Variants in SLC1A2 observed in about 807,000 individuals in gnomAD.
SLC1A2 encodes excitatory amino acid transporter 2.
A neutral mutation model predicts 48.8 loss-of-function variants in SLC1A2; 15 were observed. That is an observed-to-expected ratio of 0.31 (90% CI 0.21 to 0.47). SLC1A2 has a LOEUF of 0.47. SLC1A2 is among the 20% of genes least tolerant of loss of function. The probability of loss-of-function intolerance (pLI) is 0.99; values close to 1 mark genes in which losing one functional copy is unlikely to be tolerated. For missense variants in SLC1A2, 502 were observed against 730.5 expected (o/e 0.69, Z 3.61); for synonymous variants, 279 against 272.6 (o/e 1.02, Z -0.23).
intron 1 of SLC1A2, chr11:35,399,808 A>G (rs1471108939): frequency 6.6e-6 from 1 of 152,642 alleles, no homozygotes; most frequent in Non-Finnish European, 1.5e-5. Context: ...TTACAGAAAG[A>G]AATTAGAGAA....
intron 1 of SLC1A2, among the ~76,000 whole-genome samples, chr11:35,382,908 C>T (rs925620753): frequency 1.3e-5 from 2 of 152,034 alleles, no homozygotes; most frequent in African/African-American, 4.8e-5. Context: ...TTAAATGTTT[C>T]TTTTGAATCT....
chr11:35,321,948 T>C (rs1591471755), intron 1 of SLC1A2, among the ~76,000 whole-genome samples: 1 of 152,090 alleles, frequency 6.6e-6, no homozygotes. Context: ...TCTGTGTTTC[T>C]GCTTGACTGC....
chr11:35,387,826 A>C (rs937824269), intron 1 of SLC1A2, among the ~76,000 whole-genome samples: 3 of 151,838 alleles, frequency 2.0e-5, no homozygotes, highest in African/African-American at 4.8e-5. Context: ...ACAAAAAAAA[A>C]CAAAAACAAA....
intron 1 of SLC1A2, among the ~76,000 whole-genome samples, chr11:35,398,949 G>C (rs116316659): frequency 7.9e-5 from 12 of 152,342 alleles, no homozygotes; most frequent in African/African-American, 2.6e-4. Flanking sequence ...AGAATAAGCA[G>C]AGGGTGTTTC....
chr11:35,400,088 G>C (rs138437369), intron 1 of SLC1A2, among the ~76,000 whole-genome samples: 14 of 152,270 alleles, frequency 9.2e-5, no homozygotes, highest in Admixed American at 9.2e-4. Flanking sequence ...AGAATCTCCT[G>C]CCCCTTCAGA....
At chr11:35,375,146 G>A (rs565113693) in intron 1 of SLC1A2, among the ~76,000 whole-genome samples, 1 of 152,200 alleles carries the variant, frequency 6.6e-6, no homozygotes, top group South Asian at 2.1e-4. Context: ...GATAAAAATT[G>A]TATAACAAAA....
At chr11:35,371,714 AG>A (rs984571247) in intron 1 of SLC1A2, among the ~76,000 whole-genome samples, 30 of 80,382 alleles carry the variant, frequency 3.7e-4, no homozygotes, top group African/African-American at 1.5e-3. Flanking sequence ...CTTGCTACTC[AG>A]AGTGCACCCA....
chr11:35,307,438 G>A (rs1247295821), intron 4 of SLC1A2, among the ~76,000 whole-genome samples: 1 of 152,224 alleles, frequency 6.6e-6, no homozygotes, highest in African/African-American at 2.4e-5. Context: ...ATCCATGGCA[G>A]TGGTCCTATT....
chr11:35,323,013 C>T (rs531027141), intron 1 of SLC1A2: 9 of 505,338 alleles, frequency 1.8e-5, no homozygotes, highest in African/African-American at 5.8e-5. Context: ...TGACAGATAC[C>T]GTGTTGTCAC....
intron 1 of SLC1A2, among the ~76,000 whole-genome samples, chr11:35,365,217 A>G (rs1853802371): frequency 6.6e-6 from 1 of 152,172 alleles, no homozygotes; most frequent in African/African-American, 2.4e-5. Flanking sequence ...AATACAGCAA[A>G]GGTGCTTCTG....
chr11:35,317,603 G>A (rs1014158355), intron 1 of SLC1A2, 87 bp from the exon 2 acceptor site: 2 of 1,459,084 alleles, frequency 1.4e-6, no homozygotes, highest in South Asian at 2.5e-5. Context: ...ACCTCTCCAG[G>A]CACAGTTGGA....
chr11:35,355,393 TTTTTTC>T (rs1853419512), intron 1 of SLC1A2, among the ~76,000 whole-genome samples: 2 of 152,226 alleles, frequency 1.3e-5, no homozygotes, highest in South Asian at 4.1e-4. Flanking sequence ...TTTGATGGCT[TTTTTTC>T]TGTGTTTTTC....
At chr11:35,386,674 T>A (rs1854593318) in intron 1 of SLC1A2, among the ~76,000 whole-genome samples, 1 of 152,210 alleles carries the variant, frequency 6.6e-6, no homozygotes, top group African/African-American at 2.4e-5. Flanking sequence ...GATAAATCAT[T>A]TTAAAAGCAA....
In SLC1A2 at chr11:35,292,499, G is replaced by A; in HGVS notation, c.879C>T (p.Ala293=). The change falls in exon 7 of 11, where the codon GCC becomes GCT. Residue 293 remains alanine, a synonymous_variant. Coordinates refer to ENST00000278379, the MANE Select transcript of SLC1A2 (RefSeq NM_004171.4). ...CAATGATCTTTCCACAGATCAGGCA[G>A]GCGATACCCAGGGGAGAGTACCTGA... ...MIMWYSPLGI[A]CLICGKIIAI... is the part of the protein sequence containing the mutation. 6.2e-7 allele frequency: 1 copy of A among 1,613,384 alleles called. No homozygotes were observed. The highest frequency in any genetic ancestry group is 2.2e-5 in the East Asian group (1 of 44,884).
intron 1 of SLC1A2, among the ~76,000 whole-genome samples, chr11:35,359,059 C>T (rs921481674): frequency 2.0e-5 from 3 of 152,222 alleles, no homozygotes; most frequent in African/African-American, 7.2e-5. Flanking sequence ...GACACTTTTA[C>T]TTTAGATCTT....
intron 1 of SLC1A2, chr11:35,391,678 C>G (rs987564853): frequency 5.9e-5 from 9 of 152,242 alleles, no homozygotes; most frequent in African/African-American, 2.2e-4. Flanking sequence ...AGGTTGTTAA[C>G]TGCTGTTTTA....
At chr11:35,307,517 C>T (rs924956461) in intron 4 of SLC1A2, among the ~76,000 whole-genome samples, 12 of 152,214 alleles carry the variant, frequency 7.9e-5, no homozygotes, top group African/African-American at 2.9e-4. Flanking sequence ...AAAAACACCA[C>T]CTCCAGGGGC....
intron 9 of SLC1A2, among the ~76,000 whole-genome samples, chr11:35,273,297 T>G (rs1032135995): frequency 6.6e-6 from 1 of 152,012 alleles, no homozygotes; most frequent in African/African-American, 2.4e-5. Flanking sequence ...TAAAGTCACA[T>G]GGGGTTAGGG....
intron 1 of SLC1A2, among the ~76,000 whole-genome samples, chr11:35,368,869 G>A (rs1158665057): frequency 1.3e-5 from 2 of 152,324 alleles, no homozygotes; most frequent in East Asian, 1.9e-4. Context: ...TGAGGACAGA[G>A]GTCTTGTCTA....
Sources: gnomAD v4.1 joint callset for allele counts (sites outside exome capture counted in the v4.1 genomes callset) on GRCh38, gnomAD v4.1.1 for gene constraint, MANE v1.5 for transcripts, NCBI Gene and HGNC (gene_info 2026-07-23, HGNC 2026-07-21) for gene names.